The following TAF2 variants were observed in gnomAD, a reference collection of about 807,000 sequenced individuals.
TAF2 encodes transcription initiation factor TFIID subunit 2.
TAF2 carries 61 observed loss-of-function variants against 138.5 expected under a neutral mutation model. That is an observed-to-expected ratio of 0.44 (90% CI 0.36 to 0.54). The LOEUF (loss-of-function observed/expected upper bound fraction) is 0.54, where lower values mean the gene tolerates loss of function less well. Ranked by LOEUF, TAF2 falls within the 20% of genes least tolerant of loss-of-function variation. The probability of loss-of-function intolerance (pLI) is 0.00; values close to 1 mark genes in which losing one functional copy is unlikely to be tolerated. For synonymous variants in TAF2, 475 were observed against 469.9 expected, an observed-to-expected ratio of 1.01 and a Z score of -0.14; for missense variants, 1,090 against 1,427.9, an observed-to-expected ratio of 0.76 and a Z score of 3.81.
chr8:119,736,225 T>C lies in TAF2; in HGVS notation c.3338-4039A>G, dbSNP rs145810126. ...TTTGTCTAGACAGTAGCCTTACACT[T>C]TGCATTAAAGAAATATTGGTAATAA... is the stretch of plus-strand genomic sequence containing the variant. On this transcript the variant is annotated intron_variant, in intron 25 of 25. Coordinates refer to ENST00000378164, the MANE Select transcript of TAF2 (RefSeq NM_003184.4). Among the ~76,000 whole-genome samples the C allele has an allele frequency of 4.4e-3, 674 of 152,322 alleles. 2 individuals carry two copies. The highest frequency in any genetic ancestry group is 6.7e-3 in the Non-Finnish European group (456 of 68,036).
intron 3 of TAF2, 36 bp from the exon 4 acceptor site, chr8:119,806,437 C>CCATGTATCT: frequency 6.8e-7 from 1 of 1,467,572 alleles, no homozygotes; most frequent in Non-Finnish European, 9.5e-7. Context: ...TAATAATAAG[C>CCATGTATCT]CATGTATCTT....
chr8:119,760,924 T>C (rs1354106371), intron 19 of TAF2, among the ~76,000 whole-genome samples, 186 bp from the exon 20 acceptor site: 1 of 152,228 alleles, frequency 6.6e-6, no homozygotes, highest in Admixed American at 6.5e-5. Context: ...GAACTGCATA[T>C]ACAATGGTGG....
Position 119,805,256 on chromosome 8 carries a change from A to G in TAF2, c.418+1027T>C, listed in dbSNP as rs142143516. On this transcript the variant is annotated intron_variant, in intron 4 of 25. Transcript: ENST00000378164. ...ACTTCACCAATAATTTGCTAAGTGA[A>G]GTTCAGCAGGTCACTCACTCTCATT... Among the ~76,000 whole-genome samples the G allele has an allele frequency of 1.4e-3, 216 of 152,346 alleles. 1 individual carries two copies. The highest frequency in any genetic ancestry group is 2.8e-4 in the Non-Finnish European group (19 of 68,028).
At chr8:119,736,368 A>G (rs1007801389) in intron 25 of TAF2, among the ~76,000 whole-genome samples, 2 of 152,248 alleles carry the variant, frequency 1.3e-5, no homozygotes, top group African/African-American at 4.8e-5. Context: ...TTCCAGGTCT[A>G]TGACAGAATA....
Position 119,825,675 on chromosome 8 carries a change from GTTTT to G in TAF2, c.138+5998_138+6001del, listed in dbSNP as rs376653458. 1.2e-4 allele frequency among the ~76,000 whole-genome samples: 18 copies of G among 152,056 alleles called. No individual in the cohort carries two copies. The East Asian group carries it at 2.7e-3, about 23-fold the overall frequency. ...CATGATAGTCTCACGAGACCTGACGGTTTTTTTGTTTGTTTGTTTGTTTTTATGA... is the reference window on the plus strand; with the variant it reads ...CATGATAGTCTCACGAGACCTGACGGTTTGTTTGTTTGTTTGTTTTTATGA... On this transcript the variant is annotated intron_variant, in intron 2 of 25. Transcript: ENST00000378164.
At chr8:119,735,653 A>G (rs1207894307) in intron 25 of TAF2, among the ~76,000 whole-genome samples, 1 of 152,238 alleles carries the variant, frequency 6.6e-6, no homozygotes, top group Non-Finnish European at 1.5e-5. Flanking sequence ...TATTATTTAT[A>G]TATACAGACA....
At chr8:119,829,448 G>T (rs557722205) in intron 2 of TAF2, among the ~76,000 whole-genome samples, 1 of 151,920 alleles carries the variant, frequency 6.6e-6, no homozygotes, top group Non-Finnish European at 1.5e-5. Flanking sequence ...TAGCTCAGAG[G>T]GTTCCTCCAC....
intron 18 of TAF2, among the ~76,000 whole-genome samples, chr8:119,765,371 A>ATGCATC (rs1012741582): frequency 6.6e-6 from 1 of 152,198 alleles, no homozygotes; most frequent in African/African-American, 2.4e-5. Flanking sequence ...AAATGAAACA[A>ATGCATC]TGCATCCTAT....
At chr8:119,795,493 T>G in intron 9 of TAF2, 39 bp downstream of exon 9, 1 of 1,520,968 alleles carries the variant, frequency 6.6e-7, no homozygotes. Context: ...ATGGAGGACA[T>G]AAGACTTGTA....
chr8:119,813,565 A>G (rs1825244291), intron 3 of TAF2, among the ~76,000 whole-genome samples: 1 of 152,240 alleles, frequency 6.6e-6, no homozygotes, highest in Non-Finnish European at 1.5e-5. Context: ...GGATTACCAC[A>G]TTTAAGAAAA....
chr8:119,804,436 C>T (rs2131215868), intron 4 of TAF2, among the ~76,000 whole-genome samples: 1 of 152,270 alleles, frequency 6.6e-6, no homozygotes, highest in East Asian at 1.9e-4. Flanking sequence ...CCATAACTCC[C>T]ATGTGGTATG....
rs1054660 is a variant in TAF2, at chr8:119,832,578, G to A, written c.-14C>T. On this transcript the variant is annotated 5_prime_UTR_variant, in exon 1 of 26. Transcript: ENST00000378164. ...AGTCAGCGGCATGAAGCGGTCCCGC[G>A]GAGCTTGGCTTCCCGGCTTCCTAGG... is the stretch of plus-strand genomic sequence containing the variant. The A allele has an allele frequency of 6.2e-7, 1 of 1,611,888 alleles. No individual in the cohort carries two copies. The highest frequency in any genetic ancestry group is 8.5e-7 in the Non-Finnish European group (1 of 1,179,822).
chr8:119,780,572 C>T (rs1310792038), intron 17 of TAF2, among the ~76,000 whole-genome samples: 1 of 152,092 alleles, frequency 6.6e-6, no homozygotes, highest in African/African-American at 2.4e-5. Flanking sequence ...ATTAATGTGG[C>T]CAATGAGTTA....
chr8:119,824,213 G>C (rs936562170), intron 2 of TAF2, among the ~76,000 whole-genome samples: 2 of 151,990 alleles, frequency 1.3e-5, no homozygotes, highest in Non-Finnish European at 2.9e-5. Flanking sequence ...GGTGGATCAC[G>C]AGGTCAGGAG....
chr8:119,804,567 GCTCT>G (rs926036470), intron 4 of TAF2, among the ~76,000 whole-genome samples: 12 of 151,664 alleles, frequency 7.9e-5, no homozygotes, highest in African/African-American at 2.7e-4. Flanking sequence ...CCCTGCACAA[GCTCT>G]CTCTCTCTCT....
At chr8:119,779,631 T>G (rs2131127844) in intron 17 of TAF2, among the ~76,000 whole-genome samples, 1 of 152,342 alleles carries the variant, frequency 6.6e-6, no homozygotes, top group East Asian at 1.9e-4. Flanking sequence ...TGGATCATCC[T>G]GAATCTGTCC....
Position 119,732,135 on chromosome 8 carries a change from G to A in TAF2, c.3389C>T (p.Pro1130Leu), listed in dbSNP as rs747041065. The A allele has an allele frequency of 1.9e-6, 3 of 1,614,142 alleles. No individual in the cohort carries two copies. Among genetic ancestry groups the A allele is most frequent in the Non-Finnish European group, 2.5e-6 (3 of 1,180,020 alleles). The change falls in exon 26 of 26, where the codon CCA (proline) becomes CTA (leucine). Residue 1130 changes from proline to leucine, a missense_variant. Physicochemically the swap from Pro to Leu is moderately conservative, Grantham distance 98. Around this residue, in one of 3 missense-constraint regions of TAF2, gnomAD observed 580 missense variants for 719.6 expected, o/e 0.81. Coordinates refer to ENST00000378164, the MANE Select transcript of TAF2 (RefSeq NM_003184.4). ...EMSMHPAASAPLSVFTKESTA... is the reference protein window; with the variant it reads ...EMSMHPAASALLSVFTKESTA... ...AGATTCCTTAGTAAAGACTGAGAGTGGAGCGCTTGCCGCTGGATGCATACT... is the reference window on the plus strand; with the variant it reads ...AGATTCCTTAGTAAAGACTGAGAGTAGAGCGCTTGCCGCTGGATGCATACT...
At chr8:119,829,557 GTATATA>G (rs1369627322) in intron 2 of TAF2, among the ~76,000 whole-genome samples, 1 of 151,124 alleles carries the variant, frequency 6.6e-6, no homozygotes, top group Non-Finnish European at 1.5e-5. Flanking sequence ...ATATGTATGT[GTATATA>G]TATATACACA....
chr8:119,739,774 A>G (rs1423826528), intron 25 of TAF2, among the ~76,000 whole-genome samples: 1 of 150,356 alleles, frequency 6.7e-6, no homozygotes, highest in Non-Finnish European at 1.5e-5. Context: ...TGGGTGCGGC[A>G]TAAGAGATCA....
Sources: allele counts gnomAD v4.1 joint callset (sites outside exome capture counted in the v4.1 genomes callset), GRCh38; gene constraint gnomAD v4.1.1; regional missense constraint gnomAD v4.1.1; transcripts MANE v1.5; gene names NCBI Gene and HGNC (gene_info 2026-07-23, HGNC 2026-07-21).